CLCN6: variants seen among roughly 807,000 people sequenced by gnomAD.
The protein encoded by CLCN6 is Cl-/H+ antiporter 6.
CLCN6 carries 70 observed loss-of-function variants against 109.8 expected under a neutral mutation model. The observed-to-expected ratio is 0.64, with a 90% confidence interval of 0.53 to 0.78. CLCN6 has a LOEUF of 0.78. Ranked by LOEUF, CLCN6 falls within the 30% of genes least tolerant of loss-of-function variation. CLCN6 has a pLI of 0.00. For synonymous variants in CLCN6, 444 were observed against 447.8 expected (o/e 0.99, Z 0.11); for missense variants, 984 against 1,142.3 (o/e 0.86, Z 2.00).
intron 2 of CLCN6, among the ~76,000 whole-genome samples, chr1:11,810,282 A>G (rs1409032258): frequency 1.3e-5 from 2 of 152,222 alleles, no homozygotes; most frequent in Non-Finnish European, 2.9e-5. Context: ...CATTCTCATT[A>G]TAGGTGGTTT....
At chr1:11,829,740 A>G (rs1233749097) in intron 13 of CLCN6, 1 of 163,466 alleles carries the variant, frequency 6.1e-6, no homozygotes, top group Non-Finnish European at 1.3e-5. Context: ...CTGGCGTCAC[A>G]GAGGGGAACC....
At chr1:11,823,477 C>CA (rs35345671) in intron 6 of CLCN6, among the ~76,000 whole-genome samples, 20,646 of 142,654 alleles carry the variant, frequency 0.14, 1,495 homozygotes, top group South Asian at 0.21. Context: ...AACTCTACCT[C>CA]AAAAAAAAAA....
At position 11,830,758 on chromosome 1, in the gene CLCN6, T is replaced by C. The variant is rs1473965678; in HGVS notation, c.1248+1436T>C. 4.5e-5 allele frequency among the ~76,000 whole-genome samples: 6 copies of C among 134,016 alleles called. 1 individual carries two copies. The highest frequency in any genetic ancestry group is 1.8e-4 in the African/African-American group (6 of 32,818). The allele number at this position is 134,016 out of a possible 152,430, so 87.9% of individuals were successfully genotyped here. On this transcript the variant is annotated intron_variant, in intron 13 of 22. Transcript: ENST00000346436. ...TATATTATATATATATATATATATA[T>C]ATATATACACACACACACTATATAT...
chr1:11,820,347 C>A, intron 5 of CLCN6: 1 of 715,096 alleles, frequency 1.4e-6, no homozygotes, highest in South Asian at 1.5e-5. Flanking sequence ...ATTCCTATTT[C>A]ATACTATAAA....
chr1:11,829,093 T>A, intron 12 of CLCN6, 103 bp from the exon 13 acceptor site: 1 of 1,361,084 alleles, frequency 7.3e-7, no homozygotes, highest in Non-Finnish European at 1.0e-6. Context: ...CTGTGAATGC[T>A]GTTTGGAGAA....
At position 11,842,906 on chromosome 1, in the gene CLCN6, T is replaced by C. The variant is rs926943435; in HGVS notation, c.*2683T>C. 4 of 152,286 alleles carry C rather than the reference T, an allele frequency of 2.6e-5. No individual in the cohort carries two copies. The highest frequency in any genetic ancestry group is 9.6e-5 in the African/African-American group (4 of 41,472). The allele number at this position is 152,286 out of a possible 1,614,324, so 9.4% of individuals were successfully genotyped here. ...AGGTGGCCTCGCCAGCCCTGCAGTA[T>C]TGATGTGCAGTATTGCACCACAGCT... On this transcript the variant is annotated 3_prime_UTR_variant, in exon 23 of 23. Transcript: ENST00000346436.
At chr1:11,836,648 A>G (rs1644953738) in intron 18 of CLCN6, among the ~76,000 whole-genome samples, 1 of 151,546 alleles carries the variant, frequency 6.6e-6, no homozygotes, top group South Asian at 2.1e-4. Flanking sequence ...GAATCCAGGG[A>G]GAGGGGGTAT....
intron 9 of CLCN6, 59 bp downstream of exon 9, chr1:11,826,273 G>A: frequency 7.4e-7 from 1 of 1,360,376 alleles, no homozygotes; most frequent in Non-Finnish European, 1.1e-6. Flanking sequence ...TGCGCTGCGG[G>A]TCAGACTCGA....
chr1:11,833,758 T>C (rs1644908738), intron 14 of CLCN6, 119 bp from the exon 15 acceptor site: 1 of 1,561,816 alleles, frequency 6.4e-7, no homozygotes, highest in East Asian at 2.2e-5. Context: ...AGACAAAAGA[T>C]TGGTTTCTGC....
At chr1:11,816,005 C>A (rs1357584138) in intron 3 of CLCN6, 94 bp downstream of exon 3, 13 of 950,212 alleles carry the variant, frequency 1.4e-5, no homozygotes, top group Admixed American at 1.1e-4. Context: ...ATCTTTACAC[C>A]TTGTTTTTTG....
chr1:11,811,436 G>A (rs182853392), intron 2 of CLCN6, among the ~76,000 whole-genome samples: 1 of 150,926 alleles, frequency 6.6e-6, no homozygotes, highest in South Asian at 2.1e-4. Flanking sequence ...AGGCAAGAGT[G>A]CAATGTTGTG....
chr1:11,807,006 G>T, intron 1 of CLCN6, 125 bp from the exon 2 acceptor site: 1 of 824,610 alleles, frequency 1.2e-6, no homozygotes. Flanking sequence ...TTTTTTGAGG[G>T]CTGGTTCCTA....
intron 2 of CLCN6, among the ~76,000 whole-genome samples, chr1:11,812,245 A>G (rs1570515167): frequency 6.6e-6 from 1 of 152,208 alleles, no homozygotes; most frequent in South Asian, 2.1e-4. Context: ...TGCTACTTAC[A>G]TTTGCTAGTT....
At chr1:11,823,970 C>T (rs1644779903) in intron 7 of CLCN6, 137 bp downstream of exon 7, 3 of 1,080,166 alleles carry the variant, frequency 2.8e-6, no homozygotes, top group Non-Finnish European at 4.0e-6. Flanking sequence ...TGTTGATGGG[C>T]TGTTTTTAAA....
Position 11,823,753 on chromosome 1 carries a change from A to G in CLCN6, c.500A>G (p.Asn167Ser), listed in dbSNP as rs369425506. The change falls in exon 7 of 23, where the codon AAT becomes AGT. Residue 167 changes from asparagine (N) to serine (S), a missense_variant. Asn to Ser is a conservative substitution (Grantham distance 46, BLOSUM62 1). Coordinates refer to ENST00000346436, the MANE Select transcript of CLCN6 (RefSeq NM_001286.5). ...ATACCCGAGGTCAAATGCTATCTGAATGGCGTAAAGGTGCCAGGAATCGTC... is the reference window on the plus strand; with the variant it reads ...ATACCCGAGGTCAAATGCTATCTGAGTGGCGTAAAGGTGCCAGGAATCGTC... ...SGIPEVKCYL[N>S]GVKVPGIVRL... 6.1e-5 allele frequency: 99 copies of G among 1,614,148 alleles called. No homozygotes were observed. The highest frequency in any genetic ancestry group is 8.0e-5 in the Non-Finnish European group (94 of 1,180,050).
At chr1:11,836,249 T>TA (rs1644948290) in intron 18 of CLCN6, 96 bp downstream of exon 18, 25 of 1,156,778 alleles carry the variant, frequency 2.2e-5, no homozygotes, top group Non-Finnish European at 2.9e-5. Flanking sequence ...GGGGTGGACT[T>TA]ACCGGCTCTC....
intron 2 of CLCN6, among the ~76,000 whole-genome samples, chr1:11,811,297 A>C (rs993860973): frequency 2.0e-5 from 3 of 152,100 alleles, no homozygotes; most frequent in Non-Finnish European, 4.4e-5. Flanking sequence ...TTGGCATACT[A>C]TTCAGTTCAC....
At chr1:11,811,694 C>T (rs756406709) in intron 2 of CLCN6, among the ~76,000 whole-genome samples, 10 of 152,138 alleles carry the variant, frequency 6.6e-5, no homozygotes, top group Non-Finnish European at 1.5e-4. Context: ...TTCCTACAGT[C>T]AATTTTAGAA....
In CLCN6 at chr1:11,837,206, G is replaced by A. The variant is rs763262737; in HGVS notation, c.2138+50G>A. The A allele has an allele frequency of 9.3e-6, 15 of 1,606,640 alleles. No individual in the cohort carries two copies. In the South Asian group the frequency reaches 1.7e-4, roughly 18 times the overall value. ...TGCCCGCAGGGCTACACAGCGGTGG[G>A]GTGAGCCTTTGGCTCAGATGTTGTG... On this transcript the variant is annotated intron_variant, in intron 19 of 22. Coordinates refer to ENST00000346436, the MANE Select transcript of CLCN6 (RefSeq NM_001286.5).
Sources: gnomAD v4.1 joint callset for allele counts (sites outside exome capture counted in the v4.1 genomes callset) on GRCh38, gnomAD v4.1.1 for gene constraint, MANE v1.5 for transcripts, NCBI Gene and HGNC (gene_info 2026-07-23, HGNC 2026-07-21) for gene names.